SLC12A8: variants seen among roughly 807,000 people sequenced by gnomAD.
SLC12A8 encodes the protein cation-chloride cotransporter 9.
A neutral mutation model predicts 75.6 loss-of-function variants in SLC12A8; 69 were observed. The ratio of observed to expected loss-of-function variants is 0.91; its 90% CI spans 0.75 to 1.11. SLC12A8 has a LOEUF of 1.11. SLC12A8 is among the 50% of genes most tolerant of loss of function. SLC12A8 has a pLI of 0.00. For missense variants in SLC12A8, 877 were observed against 896.7 expected, an observed-to-expected ratio of 0.98 and a Z score of 0.28; for synonymous variants, 365 against 372.8, an observed-to-expected ratio of 0.98 and a Z score of 0.24.
intron 4 of SLC12A8, among the ~76,000 whole-genome samples, chr3:125,182,660 C>A (rs1934690570): frequency 8.5e-6 from 1 of 118,022 alleles, no homozygotes. Flanking sequence ...GTGTGCATCA[C>A]CACGCCTGGT....
At chr3:125,176,385 G>T (rs947199715) in intron 5 of SLC12A8, among the ~76,000 whole-genome samples, 1 of 152,010 alleles carries the variant, frequency 6.6e-6, no homozygotes, top group Non-Finnish European at 1.5e-5. Flanking sequence ...TTTTTTAATA[G>T]CAAGAAAATA....
At chr3:125,120,542 C>T in intron 7 of SLC12A8, 57 bp downstream of exon 7, 1 of 1,279,720 alleles carries the variant, frequency 7.8e-7, no homozygotes, top group Non-Finnish European at 1.1e-6. Context: ...CCCTCTTCTG[C>T]CTGGGGTTTT....
chr3:125,138,641 C>A (rs1431279168), intron 5 of SLC12A8, among the ~76,000 whole-genome samples: 1 of 152,164 alleles, frequency 6.6e-6, no homozygotes, highest in Non-Finnish European at 1.5e-5. Flanking sequence ...GAAATACTAA[C>A]TGTGGTTGTT....
rs372011782 is a variant in SLC12A8, at chr3:125,107,501, T to C, written c.1685A>G (p.Gln562Arg). 2.4e-5 allele frequency: 39 copies of C among 1,609,900 alleles called. No homozygotes were observed. Among genetic ancestry groups the C allele is most frequent in the Non-Finnish European group, 2.9e-5 (34 of 1,176,570 alleles). Reference protein sequence around the residue: ...GEQLVPELCNQSESSGEDFFL... With the variant: ...GEQLVPELCNRSESSGEDFFL... The stretch of plus-strand genomic sequence containing the variant: ...CTCACCTTCTCCACTGGACTCTGAT[T>C]GGTTGCACAGCTCAGGAACAAGTTG... Residue 562 changes from glutamine to arginine, a missense_variant, in exon 10 of 14, where the codon CAA becomes CGA. Transcript: ENST00000469902.
intron 5 of SLC12A8, among the ~76,000 whole-genome samples, chr3:125,163,111 C>G (rs1173280819): frequency 1.3e-5 from 2 of 151,594 alleles, no homozygotes; most frequent in African/African-American, 4.9e-5. Context: ...CGAGACTAGT[C>G]TGGGCAACAT....
chr3:125,113,722 C>T (rs930008749), intron 8 of SLC12A8, among the ~76,000 whole-genome samples: 1 of 152,132 alleles, frequency 6.6e-6, no homozygotes, highest in South Asian at 2.1e-4. Context: ...CTGTTTGAGC[C>T]ATCCCCCCAC....
At chr3:125,209,082 G>A (rs1482447095) in intron 2 of SLC12A8, among the ~76,000 whole-genome samples, 21 of 152,122 alleles carry the variant, frequency 1.4e-4, no homozygotes, top group Admixed American at 1.4e-3. Context: ...CCCAAGACTG[G>A]AATAAAATTG....
At chr3:125,096,626 C>CTTTTTTTTATATT (rs1938718023) in intron 10 of SLC12A8, among the ~76,000 whole-genome samples, 1 of 151,992 alleles carries the variant, frequency 6.6e-6, no homozygotes, top group East Asian at 1.9e-4. Context: ...GGATAAGGAC[C>CTTTTTTTTATATT]CTCTTTTATA....
chr3:125,094,112 C>A (rs765608935), intron 10 of SLC12A8, among the ~76,000 whole-genome samples: 3 of 152,202 alleles, frequency 2.0e-5, no homozygotes, highest in Non-Finnish European at 4.4e-5. Flanking sequence ...TTACCAGTAA[C>A]CTTACACTTC....
intron 8 of SLC12A8, among the ~76,000 whole-genome samples, chr3:125,116,329 T>C (rs2107747930): frequency 6.6e-6 from 1 of 152,352 alleles, no homozygotes; most frequent in African/African-American, 2.4e-5. Flanking sequence ...TTCCAGGGAA[T>C]GGTCTCTTGT....
At chr3:125,208,442 T>G (rs1935267248) in intron 2 of SLC12A8, among the ~76,000 whole-genome samples, 1 of 152,136 alleles carries the variant, frequency 6.6e-6, no homozygotes, top group South Asian at 2.1e-4. Context: ...CATACTCCCC[T>G]TAGTTTAATT....
chr3:125,165,296 C>T (rs1934261307), intron 5 of SLC12A8, among the ~76,000 whole-genome samples: 1 of 152,338 alleles, frequency 6.6e-6, no homozygotes, highest in African/African-American at 2.4e-5. Flanking sequence ...GGGTTGAGCC[C>T]GCTGTCCTGG....
At chr3:125,113,880 C>A (rs1939244507) in intron 8 of SLC12A8, among the ~76,000 whole-genome samples, 1 of 152,146 alleles carries the variant, frequency 6.6e-6, no homozygotes, top group Non-Finnish European at 1.5e-5. Flanking sequence ...TTGAGGGACT[C>A]TGCTCATTCA....
chr3:125,166,671 G>A (rs1395245195), intron 5 of SLC12A8, among the ~76,000 whole-genome samples: 4 of 152,178 alleles, frequency 2.6e-5, no homozygotes, highest in African/African-American at 9.7e-5. Flanking sequence ...TCACCACTCA[G>A]TAACTCTTCT....
intron 8 of SLC12A8, 106 bp downstream of exon 8, chr3:125,118,663 A>G: frequency 1.4e-6 from 1 of 729,896 alleles, no homozygotes; most frequent in Non-Finnish European, 2.3e-6. Flanking sequence ...AAAAGACTAT[A>G]TGGATTCCCA....
At chr3:125,087,597 T>G (rs917062219) in intron 13 of SLC12A8, among the ~76,000 whole-genome samples, 1 of 152,078 alleles carries the variant, frequency 6.6e-6, no homozygotes, top group Non-Finnish European at 1.5e-5. Flanking sequence ...TCTGCCTGGA[T>G]TTTCCTAGCC....
chr3:125,163,304 A>G (rs1189963278), intron 5 of SLC12A8, among the ~76,000 whole-genome samples: 1 of 151,500 alleles, frequency 6.6e-6, no homozygotes, highest in Non-Finnish European at 1.5e-5. Flanking sequence ...TGTCTCAAAA[A>G]CAAAAATAAT....
intron 5 of SLC12A8, among the ~76,000 whole-genome samples, chr3:125,153,972 T>C (rs1306879057): frequency 1.3e-5 from 2 of 152,200 alleles, no homozygotes; most frequent in Non-Finnish European, 2.9e-5. Context: ...GGTCTCGAAC[T>C]CCTGACCTCA....
At chr3:125,196,651 A>G (rs1333830706) in intron 2 of SLC12A8, among the ~76,000 whole-genome samples, 2 of 152,218 alleles carry the variant, frequency 1.3e-5, no homozygotes, top group Non-Finnish European at 2.9e-5. Flanking sequence ...CTATAAGGCC[A>G]GGCACAGTGG....
Sources: allele counts gnomAD v4.1 joint callset (sites outside exome capture counted in the v4.1 genomes callset), GRCh38; gene constraint gnomAD v4.1.1; transcripts MANE v1.5; gene names NCBI Gene and HGNC (gene_info 2026-07-23, HGNC 2026-07-21).